GTF3C4: variants seen among roughly 807,000 people sequenced by gnomAD.
GTF3C4 encodes the protein general transcription factor IIIC subunit 4.
Under a neutral mutation model 67.5 loss-of-function variants are expected in GTF3C4, and 28 were observed. That is an observed-to-expected ratio of 0.41 (90% CI 0.31 to 0.57). The LOEUF is 0.57. GTF3C4 is among the 20% of genes least tolerant of loss of function. The pLI, the probability that GTF3C4 is intolerant of heterozygous loss-of-function variation, is 0.21. For synonymous variants in GTF3C4, 409 were observed against 393.0 expected (o/e 1.04, Z -0.48); for missense variants, 831 against 1,033.2 (o/e 0.80, Z 2.68).
chr9:132,685,515 CT>C (rs879535001), intron 3 of GTF3C4, among the ~76,000 whole-genome samples: 133 of 142,868 alleles, frequency 9.3e-4, no homozygotes, highest in Middle Eastern at 3.8e-3. Context: ...CATTCCTACA[CT>C]TTTTTTTTTT....
intron 2 of GTF3C4, among the ~76,000 whole-genome samples, chr9:132,682,151 G>T (rs1398834919): frequency 1.3e-5 from 2 of 151,978 alleles, no homozygotes; most frequent in East Asian, 3.9e-4. Context: ...ATTCTGAGTA[G>T]TTTTTGTCAC....
At chr9:132,672,883 G>A (rs929626513) in intron 1 of GTF3C4, among the ~76,000 whole-genome samples, 14 of 152,160 alleles carry the variant, frequency 9.2e-5, no homozygotes, top group African/African-American at 2.7e-4. Flanking sequence ...AAATGCTCAA[G>A]GTGAAAATAT....
chr9:132,682,171 A>G (rs1175811740), intron 2 of GTF3C4, among the ~76,000 whole-genome samples: 1 of 152,118 alleles, frequency 6.6e-6, no homozygotes, highest in African/African-American at 2.4e-5. Flanking sequence ...CTGTATCATT[A>G]TCAGGATGTT....
Position 132,678,999 on chromosome 9 carries a change from G to A in GTF3C4, c.1380G>A (p.Lys460=), listed in dbSNP as rs1375492023. The A allele has an allele frequency of 6.2e-7, 1 of 1,614,230 alleles. No individual in the cohort carries two copies. The highest frequency in any genetic ancestry group is 8.5e-7 in the Non-Finnish European group (1 of 1,180,036). ...LIPIFTDVAL[K]FEHQLIKLSD... Reference sequence around the variant, plus strand: ...CCATTTTCACAGATGTTGCATTGAAGTTTGAACACCAGTTGATTAAACTCT... The same window carrying A: ...CCATTTTCACAGATGTTGCATTGAAATTTGAACACCAGTTGATTAAACTCT... Residue 460 remains lysine, a synonymous_variant, in exon 2 of 5, where the codon AAG becomes AAA. Transcript: ENST00000372146. The surrounding 1 kb of genome is among the most constrained non-coding windows in gnomAD (Gnocchi z 6.5).
intron 3 of GTF3C4, among the ~76,000 whole-genome samples, chr9:132,684,459 T>G (rs1459513109): frequency 1.3e-5 from 2 of 152,186 alleles, no homozygotes; most frequent in African/African-American, 4.8e-5. Context: ...CTCCAGTCTG[T>G]TATTATAGTT....
At position 132,694,748 on chromosome 9, in the gene GTF3C4, C is replaced by G. The variant is rs1836171353; in HGVS notation, c.*5803C>G. The G allele has an allele frequency of 6.6e-6, 1 of 152,126 alleles. No homozygotes were observed. Among genetic ancestry groups the G allele is most frequent in the Non-Finnish European group, 1.5e-5 (1 of 68,026 alleles). 9.4% of individuals were successfully genotyped at this position (152,126 alleles called of 1,614,324 possible). A position where few individuals can be genotyped will look rare whatever the true frequency, so the allele number is the denominator to read the frequency against. The stretch of plus-strand genomic sequence containing the variant: ...TGATGAACTACCATTGGTTTTAGCT[C>G]TTTCTCATTTGGGATTCCCCTCAAT... On this transcript the variant is annotated 3_prime_UTR_variant, in exon 5 of 5. Transcript: ENST00000372146.
At position 132,694,718 on chromosome 9, in the gene GTF3C4, C is replaced by T. The variant is rs1335395096; in HGVS notation, c.*5773C>T. The T allele has an allele frequency of 6.6e-6, 1 of 152,164 alleles. No individual in the cohort carries two copies. Among genetic ancestry groups the T allele is most frequent in the Admixed American group, 6.5e-5 (1 of 15,284 alleles). 9.4% of individuals were successfully genotyped at this position (152,164 alleles called of 1,614,324 possible). On this transcript the variant is annotated 3_prime_UTR_variant, in exon 5 of 5. Coordinates refer to ENST00000372146, the MANE Select transcript of GTF3C4 (RefSeq NM_012204.4). ...ACCAAGTCGCTGGTTGGCCATTTCT[C>T]CAATTGATGAACTACCATTGGTTTT...
rs149075819 is a variant in GTF3C4 at position 132,679,844 on chromosome 9, G to C, written c.2184+41G>C. 3.2e-5 allele frequency: 48 copies of C among 1,512,058 alleles called. No individual in the cohort carries two copies. In the African/African-American group the frequency reaches 6.0e-4, roughly 19 times the overall value. 93.7% of individuals were successfully genotyped at this position (1,512,058 alleles called of 1,614,324 possible). ...CAAAAACTCTGAAATTGTAAAGCCT[G>C]CTTTCTTCATGAGAAAGAAATGACC... On this transcript the variant is annotated intron_variant, in intron 2 of 4. Transcript: ENST00000372146. The surrounding 1 kb of genome is among the most constrained non-coding windows in gnomAD (Gnocchi z 5.9).
At position 132,687,277 on chromosome 9, in the gene GTF3C4, A is replaced by T. The variant is rs1426692041; in HGVS notation, c.2354A>T (p.Tyr785Phe). Residue 785 changes from tyrosine (Y) to phenylalanine (F), a missense_variant, in exon 4 of 5, where the codon TAT becomes TTT. Physicochemically the swap from Tyr to Phe is conservative, Grantham distance 22. Coordinates refer to ENST00000372146, the MANE Select transcript of GTF3C4 (RefSeq NM_012204.4). ...TACCAGTCCTGCCAGAGTTTGATAT[A>T]TAGAAGGTGTTTGCTCCATGACAGC... ...LTYQSCQSLI[Y>F]RRCLLHDSIA... 13 of 1,401,796 alleles carry T rather than the reference A, an allele frequency of 9.3e-6. No individual in the cohort carries two copies. The highest frequency in any genetic ancestry group is 1.2e-5 in the Non-Finnish European group (13 of 1,043,778). 86.8% of individuals were successfully genotyped at this position (1,401,796 alleles called of 1,614,324 possible).
chr9:132,684,962 T>C (rs1021104289), intron 3 of GTF3C4, among the ~76,000 whole-genome samples: 2 of 152,186 alleles, frequency 1.3e-5, no homozygotes, highest in Non-Finnish European at 2.9e-5. Flanking sequence ...GTGTTTTGTT[T>C]ACAGCTATTT....
Position 132,691,567 on chromosome 9 carries a change from C to G in GTF3C4, c.*2622C>G, listed in dbSNP as rs1483367533. 6.6e-6 allele frequency: 1 copy of G among 152,198 alleles called. No individual in the cohort carries two copies. The highest frequency in any genetic ancestry group is 1.5e-5 in the Non-Finnish European group (1 of 68,042). The allele number at this position is 152,198 out of a possible 1,614,324, so 9.4% of individuals were successfully genotyped here. The stretch of plus-strand genomic sequence containing the variant: ...TACAACGTGGTTGCATTTGGGGAGT[C>G]TGATACCCACATAGGTATCACATTT... On this transcript the variant is annotated 3_prime_UTR_variant, in exon 5 of 5. Transcript: ENST00000372146.
intron 1 of GTF3C4, among the ~76,000 whole-genome samples, chr9:132,673,516 A>G (rs1835820317): frequency 6.6e-6 from 1 of 151,514 alleles, no homozygotes; most frequent in South Asian, 2.1e-4. Context: ...CTGCAGTTCT[A>G]CAAGAGCCCT....
intron 1 of GTF3C4, among the ~76,000 whole-genome samples, chr9:132,674,106 T>A (rs1835830845): frequency 6.6e-6 from 1 of 152,240 alleles, no homozygotes; most frequent in African/African-American, 2.4e-5. Flanking sequence ...AGAAGCTTAC[T>A]GTCTAAAAGC....
In GTF3C4 at chr9:132,683,661, G is replaced by C; in HGVS notation, c.2283G>C (p.Gln761His). ...KEILPFTDRKQAVCSNGHIWL... is the reference protein window; with the variant it reads ...KEILPFTDRKHAVCSNGHIWL... ...TCTTGCCATTCACAGATCGCAAACA[G>C]GCAGTCTGTTCCAATGGCCACATTT... Residue 761 changes from glutamine (Q) to histidine (H), a missense_variant, in exon 3 of 5, where the codon CAG becomes CAC. Coordinates refer to ENST00000372146, the MANE Select transcript of GTF3C4 (RefSeq NM_012204.4). 6.2e-7 allele frequency: 1 copy of C among 1,612,702 alleles called. No homozygotes were observed. The highest frequency in any genetic ancestry group is 8.5e-7 in the Non-Finnish European group (1 of 1,179,672).
chr9:132,670,312 C>T (rs944617646), upstream of GTF3C4: 13 of 1,489,248 alleles, frequency 8.7e-6, no homozygotes, highest in Admixed American at 9.4e-5. Flanking sequence ...GAACTAAAGC[C>T]TGTCTGGGTA....
chr9:132,684,134 C>T (rs1192034732), intron 3 of GTF3C4, among the ~76,000 whole-genome samples: 1 of 152,190 alleles, frequency 6.6e-6, no homozygotes, highest in East Asian at 1.9e-4. Context: ...GTTGTCTTTG[C>T]TGATGGGCAC....
Position 132,679,987 on chromosome 9 carries a change from T to G in GTF3C4, c.2184+184T>G, listed in dbSNP as rs3824571. ...TAATGCAGAGGATGCATTCATAGCA[T>G]ATAAAGAATATTTTGATTCTTCTTC... On this transcript the variant is annotated intron_variant, in intron 2 of 4. Transcript: ENST00000372146. This position sits in a 1 kb window ranked among gnomAD's most constrained non-coding sequence, Gnocchi z 5.9. 1.3e-5 allele frequency among the ~76,000 whole-genome samples: 2 copies of G among 152,230 alleles called. No individual in the cohort carries two copies. Among genetic ancestry groups the G allele is most frequent in the Admixed American group, 1.3e-4 (2 of 15,276 alleles).
In GTF3C4 at chr9:132,670,529, C is replaced by A; in HGVS notation, c.-70C>A. The stretch of plus-strand genomic sequence containing the variant: ...CCGCGGAGGGCGCTGGGGGTGGCGG[C>A]GGCGGTCCGGGAGGTGGTCGCGCGA... On this transcript the variant is annotated 5_prime_UTR_variant, in exon 1 of 5. Coordinates refer to ENST00000372146, the MANE Select transcript of GTF3C4 (RefSeq NM_012204.4). 1 of 1,201,780 alleles carries A rather than the reference C, an allele frequency of 8.3e-7. No individual in the cohort carries two copies. 74.4% of individuals were successfully genotyped at this position (1,201,780 alleles called of 1,614,324 possible).
chr9:132,685,644 T>TA lies in GTF3C4; in HGVS notation c.2316-1595_2316-1594insA, dbSNP rs1836015370. Among the ~76,000 whole-genome samples, 3 of 152,314 alleles carry TA rather than the reference T, an allele frequency of 2.0e-5. No homozygotes were observed. In the South Asian group the frequency reaches 6.2e-4, roughly 32 times the overall value. On this transcript the variant is annotated intron_variant, in intron 3 of 4. Coordinates refer to ENST00000372146, the MANE Select transcript of GTF3C4 (RefSeq NM_012204.4). Reference sequence around the variant, plus strand: ...CCAGGACTATGGGCATGTACCACCATGCCTGGCTTCTACACTTTTTCTAAT... The same window carrying TA: ...CCAGGACTATGGGCATGTACCACCATAGCCTGGCTTCTACACTTTTTCTAAT...
Sources: allele counts gnomAD v4.1 joint callset (sites outside exome capture counted in the v4.1 genomes callset), GRCh38; gene constraint gnomAD v4.1.1; non-coding constraint Gnocchi (gnomAD v3.1); transcripts MANE v1.5; gene names NCBI Gene and HGNC (gene_info 2026-07-23, HGNC 2026-07-21).